Variants in NCOA3 observed in about 807,000 individuals in gnomAD.
The protein encoded by NCOA3 is CBP-interacting protein.
A neutral mutation model predicts 158.8 loss-of-function variants in NCOA3; 51 were observed. The observed-to-expected ratio is 0.32, with a 90% CI of 0.26 to 0.41. The LOEUF (loss-of-function observed/expected upper bound fraction) is 0.41, where lower values mean the gene tolerates loss of function less well. Ranked by LOEUF, NCOA3 falls within the 10% of genes least tolerant of loss-of-function variation. The pLI is 1.00. For missense variants in NCOA3, 1,510 were observed against 1,746.6 expected, an observed-to-expected ratio of 0.86 and a Z score of 2.41; for synonymous variants, 537 against 592.4, an observed-to-expected ratio of 0.91 and a Z score of 1.36.
chr20:47,585,716 G>A (rs1379589636), intron 2 of NCOA3, among the ~76,000 whole-genome samples: 1 of 152,062 alleles, frequency 6.6e-6, no homozygotes, highest in Admixed American at 6.5e-5. Flanking sequence ...TTTTAGCCAA[G>A]CTTATGTTGT....
rs2086306665 is a variant in NCOA3 at position 47,625,443 on chromosome 20, G to A, written c.319G>A (p.Val107Ile). ...CGATGTATCTTCTACAGGGCAGGGA[G>A]TTATTGATAAAGACTCCTTAGGACC... ...KADVSSTGQG[V>I]IDKDSLGPLL... The change falls in exon 5 of 23, where the codon GTT becomes ATT. Residue 107 changes from valine (V) to isoleucine (I), a missense_variant. Transcript: ENST00000371998. 6.2e-7 allele frequency: 1 copy of A among 1,613,512 alleles called. No individual in the cohort carries two copies. Among genetic ancestry groups the A allele is most frequent in the Non-Finnish European group, 8.5e-7 (1 of 1,179,678 alleles).
At chr20:47,578,464 G>A (rs769351452) in intron 1 of NCOA3, among the ~76,000 whole-genome samples, 1 of 152,136 alleles carries the variant, frequency 6.6e-6, no homozygotes, top group Non-Finnish European at 1.5e-5. Context: ...AGGATTACAG[G>A]CATGAGCCAC....
intron 2 of NCOA3, among the ~76,000 whole-genome samples, chr20:47,621,778 C>A (rs1209063196): frequency 6.6e-6 from 1 of 151,628 alleles, no homozygotes; most frequent in Non-Finnish European, 1.5e-5. Context: ...CTCAGCCTCC[C>A]AAATAACTAG....
At chr20:47,648,971 C>T in intron 18 of NCOA3, 34 bp from the exon 19 acceptor site, 1 of 1,388,374 alleles carries the variant, frequency 7.2e-7, no homozygotes, top group Non-Finnish European at 1.0e-6. Flanking sequence ...CTGACGTGCT[C>T]TGCTTGCATT....
rs202147643 is a variant in NCOA3 at position 47,519,827 on chromosome 20, A to G, written c.-99+17808A>G. On this transcript the variant is annotated intron_variant, in intron 1 of 22. Coordinates refer to ENST00000371998, the MANE Select transcript of NCOA3 (RefSeq NM_181659.3). The stretch of plus-strand genomic sequence containing the variant: ...GCTCAAGCTGGAGTGCAATGGCACA[A>G]TCTCGCTCACTGCAACCTCTGCCTC... 2.0e-5 allele frequency among the ~76,000 whole-genome samples: 3 copies of G among 151,976 alleles called. No individual in the cohort carries two copies. The East Asian group carries it at 5.8e-4, about 29-fold the overall frequency.
At chr20:47,635,288 A>C (rs752709307) in intron 10 of NCOA3, 34 bp from the exon 11 acceptor site, 2 of 1,531,676 alleles carry the variant, frequency 1.3e-6, no homozygotes, top group Non-Finnish European at 8.8e-7. Context: ...CATGCTTAGA[A>C]TTTTTTAGTA....
chr20:47,547,565 A>G (rs965838644), intron 1 of NCOA3, among the ~76,000 whole-genome samples: 2 of 151,742 alleles, frequency 1.3e-5, no homozygotes, highest in African/African-American at 4.8e-5. Context: ...GGCGCCCATC[A>G]CCATGCCCGA....
At position 47,613,885 on chromosome 20, in the gene NCOA3, G is replaced by A. The variant is rs985919968; in HGVS notation, c.-19-8344G>A. Among the ~76,000 whole-genome samples, 3 of 150,654 alleles carry A rather than the reference G, an allele frequency of 2.0e-5. No homozygotes were observed. The South Asian group carries it at 6.3e-4, about 32-fold the overall frequency. ...TGCGCTACTGCACTCTAGCCTGGGC[G>A]ACAGAGCAAGACTCTGTCTTAAAAA... On this transcript the variant is annotated intron_variant, in intron 2 of 22. Coordinates refer to ENST00000371998, the MANE Select transcript of NCOA3 (RefSeq NM_181659.3).
chr20:47,586,084 T>C (rs2085531466), intron 2 of NCOA3, among the ~76,000 whole-genome samples: 1 of 152,038 alleles, frequency 6.6e-6, no homozygotes, highest in Non-Finnish European at 1.5e-5. Context: ...CCTGCCCGGC[T>C]AATTTTGTAT....
rs554045524 is a variant in NCOA3, at chr20:47,636,060, A to G, written c.1674A>G (p.Gln558=). ...ACTCTCCCAATATGAATATTACCCAACCAAGTAAAGTAAGCAATCAGGATT... is the reference window on the plus strand; with the variant it reads ...ACTCTCCCAATATGAATATTACCCAGCCAAGTAAAGTAAGCAATCAGGATT... The part of the protein sequence containing the change: ...LDNSPNMNIT[Q]PSKVSNQDSK... The change falls in exon 12 of 23, where the codon CAA becomes CAG. Residue 558 remains glutamine (Q), a synonymous_variant. Coordinates refer to ENST00000371998, the MANE Select transcript of NCOA3 (RefSeq NM_181659.3). 1.2e-6 allele frequency: 2 copies of G among 1,614,104 alleles called. No homozygotes were observed. Among genetic ancestry groups the G allele is most frequent in the South Asian group, 1.1e-5 (1 of 91,074 alleles).
At chr20:47,603,089 TATG>T (rs1458692107) in intron 2 of NCOA3, among the ~76,000 whole-genome samples, 1 of 152,226 alleles carries the variant, frequency 6.6e-6, no homozygotes, top group Non-Finnish European at 1.5e-5. Context: ...CAGAGAAGTG[TATG>T]ATATCAGAGA....
At chr20:47,649,240 G>C in intron 19 of NCOA3, 131 bp downstream of exon 19, 1 of 549,616 alleles carries the variant, frequency 1.8e-6, no homozygotes, top group Non-Finnish European at 3.1e-6. Context: ...GAAAGCAGTC[G>C]CATTAAAGAC....
chr20:47,646,965 T>G, intron 17 of NCOA3, 108 bp from the exon 18 acceptor site: 1 of 951,284 alleles, frequency 1.1e-6, no homozygotes, highest in Non-Finnish European at 1.6e-6. Flanking sequence ...AAGCATTTAC[T>G]TAAATACTTG....
At chr20:47,643,868 G>A (rs373272663) in intron 17 of NCOA3, among the ~76,000 whole-genome samples, 21 of 150,848 alleles carry the variant, frequency 1.4e-4, no homozygotes, top group African/African-American at 4.9e-4. Context: ...TGGCCACTGA[G>A]TTGTATTTCT....
In NCOA3 at chr20:47,656,786, C is replaced by T. The variant is rs576659945; in HGVS notation, c.*3369C>T. 22 of 152,064 alleles carry T rather than the reference C, an allele frequency of 1.4e-4. No individual in the cohort carries two copies. The highest frequency in any genetic ancestry group is 5.8e-4 in the East Asian group (3 of 5,166). 9.4% of individuals were successfully genotyped at this position (152,064 alleles called of 1,614,324 possible). The stretch of plus-strand genomic sequence containing the variant: ...TTTATCTTGCAAAGAATTGAAACCA[C>T]ATGAAATGACTTATGGGGGATGGTG... On this transcript the variant is annotated 3_prime_UTR_variant, in exon 23 of 23. Transcript: ENST00000371998.
At chr20:47,651,544 C>T (rs1275974930) in intron 20 of NCOA3, among the ~76,000 whole-genome samples, 1 of 152,190 alleles carries the variant, frequency 6.6e-6, no homozygotes, top group African/African-American at 2.4e-5. Flanking sequence ...GCAAAGTTGT[C>T]CCCTTGCCCC....
At chr20:47,502,669 A>G (rs909001225) in intron 1 of NCOA3, among the ~76,000 whole-genome samples, 1 of 149,616 alleles carries the variant, frequency 6.7e-6, no homozygotes, top group Non-Finnish European at 1.5e-5. Context: ...AAGTTGGTTG[A>G]TAAAATTAGG....
chr20:47,647,475 T>TC, intron 18 of NCOA3, 109 bp downstream of exon 18: 1 of 1,057,526 alleles, frequency 9.5e-7, no homozygotes. Flanking sequence ...CTAAAGAAAT[T>TC]CTTTTTGTTT....
chr20:47,519,135 C>CAA (rs1175023080), intron 1 of NCOA3, among the ~76,000 whole-genome samples: 1 of 121,214 alleles, frequency 8.2e-6, no homozygotes, highest in African/African-American at 3.1e-5. Flanking sequence ...GACTCCATCT[C>CAA]AAAAAAAAAA....
Sources: allele counts gnomAD v4.1 joint callset (sites outside exome capture counted in the v4.1 genomes callset), GRCh38; gene constraint gnomAD v4.1.1; transcripts MANE v1.5; gene names NCBI Gene and HGNC (gene_info 2026-07-23, HGNC 2026-07-21).